Variants in TPRG1 observed in about 807,000 individuals in gnomAD.
The protein encoded by TPRG1 is tumor protein p63-regulated gene 1 protein.
A neutral mutation model predicts 29.3 loss-of-function variants in TPRG1; 29 were observed. That is an observed-to-expected ratio of 0.99 (90% CI 0.74 to 1.35). The LOEUF (loss-of-function observed/expected upper bound fraction) is 1.35. Ranked by LOEUF, TPRG1 falls within the 40% of genes most tolerant of loss-of-function variation. The pLI, the probability that TPRG1 is intolerant of heterozygous loss-of-function variation, is 0.00. For missense variants in TPRG1, 327 were observed against 335.0 expected, an observed-to-expected ratio of 0.98 and a Z score of 0.19; for synonymous variants, 130 against 116.8, an observed-to-expected ratio of 1.11 and a Z score of -0.73.
chr3:189,203,351 T>C (rs1371648502), intron 1 of TPRG1, among the ~76,000 whole-genome samples: 1 of 152,148 alleles, frequency 6.6e-6, no homozygotes, highest in African/African-American at 2.4e-5. Flanking sequence ...TTTTTAATGC[T>C]AAAAAAATCA....
chr3:189,159,876 G>T (rs1038461300), intron 5 of TPRG1, among the ~76,000 whole-genome samples: 1 of 151,264 alleles, frequency 6.6e-6, no homozygotes, highest in Non-Finnish European at 1.5e-5. Context: ...GTGGTGGTGG[G>T]GGTAGGGGTT....
chr3:189,026,877 C>A (rs778661236), intron 4 of TPRG1, among the ~76,000 whole-genome samples: 3 of 152,064 alleles, frequency 2.0e-5, no homozygotes, highest in Non-Finnish European at 4.4e-5. Context: ...GGCAACATGG[C>A]GTGTTTGTTG....
intron 5 of TPRG1, among the ~76,000 whole-genome samples, chr3:189,315,278 T>TTGTGTGTGTG (rs34255648): frequency 7.0e-6 from 1 of 143,412 alleles, no homozygotes; most frequent in African/African-American, 2.6e-5. Flanking sequence ...CCTGAAAGAA[T>TTGTGTGTGTG]TGTGTGTGTG....
intron 3 of TPRG1, among the ~76,000 whole-genome samples, chr3:189,138,000 G>A (rs922624153): frequency 5.3e-5 from 8 of 152,236 alleles, no homozygotes; most frequent in Non-Finnish European, 8.8e-5. Flanking sequence ...TGCCTTAGAC[G>A]TCCATTAAAG....
intron 3 of TPRG1, among the ~76,000 whole-genome samples, chr3:189,236,168 T>C (rs968519317): frequency 6.6e-6 from 1 of 152,204 alleles, no homozygotes; most frequent in Non-Finnish European, 1.5e-5. Flanking sequence ...AATTTAGATA[T>C]TCCTGACATG....
chr3:189,037,589 C>T (rs1027101963), intron 4 of TPRG1, among the ~76,000 whole-genome samples: 5 of 151,752 alleles, frequency 3.3e-5, no homozygotes, highest in African/African-American at 1.2e-4. Context: ...TATGTCGCCA[C>T]TACTAGTTAA....
rs562149256 is a variant in TPRG1 at position 189,298,586 on chromosome 3, T to A, written c.480-11800T>A. 8.5e-5 allele frequency among the ~76,000 whole-genome samples: 13 copies of A among 152,306 alleles called. No individual in the cohort carries two copies. In the East Asian group the frequency reaches 2.1e-3, roughly 25 times the overall value. On this transcript the variant is annotated intron_variant, in intron 4 of 5. Coordinates refer to ENST00000345063, the MANE Select transcript of TPRG1 (RefSeq NM_198485.4). The stretch of plus-strand genomic sequence containing the variant: ...CATCAGTGGCATGGGATTTTTGTTG[T>A]CTGAGTTTCACCTGTGGTTGGTAGA...
intron 1 of TPRG1, among the ~76,000 whole-genome samples, chr3:189,191,505 C>T (rs1351025734): frequency 6.6e-6 from 1 of 152,172 alleles, no homozygotes; most frequent in Non-Finnish European, 1.5e-5. Flanking sequence ...TCTTGTAGAA[C>T]AGGCTGAATT....
chr3:189,170,712 G>A (rs1217746475), upstream of TPRG1, among the ~76,000 whole-genome samples: 1 of 152,170 alleles, frequency 6.6e-6, no homozygotes, highest in African/African-American at 2.4e-5. Context: ...TCGACACGGT[G>A]GAAGCAGGTA....
chr3:189,150,787 G>C (rs1363115516), exon 5 of TPRG1: 1 of 152,136 alleles, frequency 6.6e-6, no homozygotes, highest in Non-Finnish European at 1.5e-5. Flanking sequence ...ACAATGCAAG[G>C]CTCTCCACGT....
intron 5 of TPRG1, among the ~76,000 whole-genome samples, chr3:189,314,191 G>T (rs1394358666): frequency 6.6e-6 from 1 of 152,144 alleles, no homozygotes; most frequent in African/African-American, 2.4e-5. Flanking sequence ...ATGACATGTT[G>T]AATTCGAAAC....
intron 2 of TPRG1, among the ~76,000 whole-genome samples, chr3:189,214,963 A>ATATATATATATATATATTTTAT (rs1354068761): frequency 5.2e-5 from 7 of 135,438 alleles, no homozygotes; most frequent in Admixed American, 8.8e-5. Context: ...GTTTAATTTA[A>ATATATATATATATATATTTTAT]AAATGTACAG....
intron 4 of TPRG1, among the ~76,000 whole-genome samples, chr3:189,261,213 T>C (rs928053540): frequency 2.6e-5 from 4 of 152,154 alleles, no homozygotes; most frequent in African/African-American, 9.7e-5. Flanking sequence ...GTGTGTGTGA[T>C]GTTCATTACT....
At chr3:189,138,927 A>G (rs1724145652) in intron 3 of TPRG1, among the ~76,000 whole-genome samples, 1 of 152,172 alleles carries the variant, frequency 6.6e-6, no homozygotes, top group Admixed American at 6.5e-5. Flanking sequence ...CCTTGGGGAA[A>G]AGAAGATGAA....
At chr3:189,228,247 AG>A (rs1738088597) in intron 3 of TPRG1, among the ~76,000 whole-genome samples, 1 of 152,244 alleles carries the variant, frequency 6.6e-6, no homozygotes, top group East Asian at 1.9e-4. Flanking sequence ...CCAAAAATAA[AG>A]CAGAAGGAAA....
At chr3:189,195,307 A>T (rs1240597769) in intron 1 of TPRG1, among the ~76,000 whole-genome samples, 1 of 152,156 alleles carries the variant, frequency 6.6e-6, no homozygotes, top group Non-Finnish European at 1.5e-5. Flanking sequence ...CTTAGTGGCT[A>T]AAGTACTATT....
intron 5 of TPRG1, among the ~76,000 whole-genome samples, chr3:189,154,216 C>G (rs1254702490): frequency 6.6e-6 from 1 of 152,212 alleles, no homozygotes; most frequent in Non-Finnish European, 1.5e-5. Flanking sequence ...ACCTGAGAGA[C>G]AGCCAGAGTG....
chr3:189,006,985 G>A (rs1051178125), intron 3 of TPRG1, among the ~76,000 whole-genome samples: 6 of 151,970 alleles, frequency 3.9e-5, no homozygotes, highest in Non-Finnish European at 1.5e-5. Context: ...CATAGGCATG[G>A]GCAAGGACTT....
intron 3 of TPRG1, chr3:189,219,578 T>C: frequency 7.8e-7 from 1 of 1,280,730 alleles, no homozygotes; most frequent in South Asian, 1.3e-5. Flanking sequence ...AACGGATCCA[T>C]TAAGCCAGCA....
Sources: gnomAD v4.1 joint callset for allele counts (sites outside exome capture counted in the v4.1 genomes callset) on GRCh38, gnomAD v4.1.1 for gene constraint, MANE v1.5 for transcripts, NCBI Gene and HGNC (gene_info 2026-07-23, HGNC 2026-07-21) for gene names.